ERC2: variants seen among roughly 807,000 people sequenced by gnomAD.
ERC2 encodes ERC protein 2.
In ERC2, 42 loss-of-function variants were observed where a neutral mutation model predicts 114.8. The observed-to-expected ratio is 0.37, with a 90% CI of 0.29 to 0.47. The LOEUF is 0.47. Ranked by LOEUF, ERC2 falls within the 20% of genes least tolerant of loss-of-function variation. The pLI, the probability that ERC2 is intolerant of heterozygous loss-of-function variation, is 0.99. For synonymous variants in ERC2, 454 were observed against 425.5 expected, an observed-to-expected ratio of 1.07 and a Z score of -0.82; for missense variants, 939 against 1,150.7, an observed-to-expected ratio of 0.82 and a Z score of 2.66.
At chr3:56,443,675 G>C (rs1247570743) in intron 1 of ERC2, among the ~76,000 whole-genome samples, 1 of 147,622 alleles carries the variant, frequency 6.8e-6, no homozygotes, top group Non-Finnish European at 1.5e-5. Context: ...TTTTTTGGTT[G>C]TTGTCTCCTA....
At chr3:55,652,734 C>T (rs575989728) in intron 17 of ERC2, among the ~76,000 whole-genome samples, 97 of 151,754 alleles carry the variant, frequency 6.4e-4, no homozygotes, top group African/African-American at 2.1e-3. Context: ...AGTAGCTGGG[C>T]GTGATGGCAG....
chr3:56,280,937 C>T lies in ERC2; in HGVS notation c.1074+15082G>A, dbSNP rs2150320183. On this transcript the variant is annotated intron_variant, in intron 3 of 17. Transcript: ENST00000288221. ...AATGGGATTAAATTTAAAATGAGTG[C>T]TTGGCACTTAGTTGAGTGCCCAACA... Among the ~76,000 whole-genome samples, 2 of 152,248 alleles carry T rather than the reference C, an allele frequency of 1.3e-5. 1 individual carries two copies. The highest frequency in any genetic ancestry group is 4.8e-5 in the African/African-American group (2 of 41,546).
intron 14 of ERC2, among the ~76,000 whole-genome samples, chr3:55,834,336 C>T (rs1238142738): frequency 6.6e-6 from 1 of 152,086 alleles, no homozygotes; most frequent in East Asian, 1.9e-4. Flanking sequence ...CACACCTATT[C>T]CAAAATTGAC....
At chr3:56,272,979 C>T (rs983672361) in intron 3 of ERC2, among the ~76,000 whole-genome samples, 8 of 152,178 alleles carry the variant, frequency 5.3e-5, no homozygotes, top group East Asian at 1.9e-4. Context: ...ATCTCTGTAA[C>T]GCAATAACCA....
chr3:56,071,881 A>T (rs191675735), intron 7 of ERC2, among the ~76,000 whole-genome samples: 1 of 152,314 alleles, frequency 6.6e-6, no homozygotes. Flanking sequence ...GTGACTTTTG[A>T]ATATCATTCA....
intron 14 of ERC2, among the ~76,000 whole-genome samples, chr3:55,809,393 T>C (rs1031007911): frequency 3.9e-5 from 6 of 152,038 alleles, no homozygotes; most frequent in Admixed American, 6.6e-5. Context: ...TGGGACTACA[T>C]TAAACTAAAA....
At chr3:55,983,035 C>A (rs934553528) in intron 12 of ERC2, among the ~76,000 whole-genome samples, 1 of 152,234 alleles carries the variant, frequency 6.6e-6, no homozygotes, top group Non-Finnish European at 1.5e-5. Flanking sequence ...CCATCACCAA[C>A]AGCCCCTTCA....
intron 17 of ERC2, among the ~76,000 whole-genome samples, chr3:55,529,701 T>A (rs1351618770): frequency 6.6e-6 from 1 of 152,156 alleles, no homozygotes; most frequent in Non-Finnish European, 1.5e-5. Context: ...TCAGCCACAC[T>A]TAAGAACAAA....
At chr3:56,281,706 C>A (rs527978973) in intron 3 of ERC2, among the ~76,000 whole-genome samples, 1 of 152,108 alleles carries the variant, frequency 6.6e-6, no homozygotes, top group Non-Finnish European at 1.5e-5. Context: ...CCGAGCTTTA[C>A]GAGTATTTAA....
At chr3:55,712,974 C>T (rs2063851818) in intron 15 of ERC2, among the ~76,000 whole-genome samples, 1 of 152,070 alleles carries the variant, frequency 6.6e-6, no homozygotes. Context: ...ATCTGCTAAG[C>T]ATGATTTAAA....
rs80232833 is a variant in ERC2, at chr3:56,383,479, T to A, written c.657+50872A>T. 3.7e-4 allele frequency among the ~76,000 whole-genome samples: 56 copies of A among 152,320 alleles called. 1 individual carries two copies. In the East Asian group the frequency reaches 9.8e-3, roughly 27 times the overall value. On this transcript the variant is annotated intron_variant, in intron 2 of 17. Coordinates refer to ENST00000288221, the MANE Select transcript of ERC2 (RefSeq NM_015576.3). ...CTCCACTAGCATATAAGCTCCAGGA[T>A]GAGAGAATTTTTGTTTGTTTCATTC...
At chr3:55,556,353 C>T (rs1005371429) in intron 17 of ERC2, among the ~76,000 whole-genome samples, 4 of 152,168 alleles carry the variant, frequency 2.6e-5, no homozygotes, top group South Asian at 2.1e-4. Context: ...CATGGAGTCA[C>T]GTTACTGCCT....
intron 12 of ERC2, among the ~76,000 whole-genome samples, chr3:55,960,191 C>T (rs1158789444): frequency 6.6e-6 from 1 of 152,208 alleles, no homozygotes. Context: ...AGATCATGCA[C>T]TTGTTGGCAT....
At chr3:56,122,741 G>A (rs552537801) in intron 6 of ERC2, among the ~76,000 whole-genome samples, 2 of 152,006 alleles carry the variant, frequency 1.3e-5, no homozygotes, top group Non-Finnish European at 2.9e-5. Flanking sequence ...CCAGAGCAAC[G>A]GGTAGCTCAG....
chr3:55,714,389 A>G (rs2063957698), intron 15 of ERC2, among the ~76,000 whole-genome samples: 1 of 152,116 alleles, frequency 6.6e-6, no homozygotes, highest in Non-Finnish European at 1.5e-5. Context: ...CAATCATAGG[A>G]GCAGTTAATG....
At chr3:55,829,787 A>C (rs1393722177) in intron 14 of ERC2, among the ~76,000 whole-genome samples, 1 of 152,226 alleles carries the variant, frequency 6.6e-6, no homozygotes, top group Non-Finnish European at 1.5e-5. Flanking sequence ...AGCCTCCCAA[A>C]GTACTGAGAT....
chr3:55,897,477 G>A (rs1038244043), intron 13 of ERC2, among the ~76,000 whole-genome samples: 1 of 152,166 alleles, frequency 6.6e-6, no homozygotes, highest in East Asian at 1.9e-4. Flanking sequence ...TCCATCCTGA[G>A]TGCAAGAGGA....
intron 16 of ERC2, among the ~76,000 whole-genome samples, chr3:55,695,419 A>T (rs815446): frequency 0.94 from 143,367 of 152,202 alleles, 68,139 homozygotes; most frequent in East Asian, 1. Context: ...AGCTATTAAA[A>T]GCTTCTCTCT....
chr3:55,554,949 G>A (rs549013694), intron 17 of ERC2, among the ~76,000 whole-genome samples: 1 of 152,242 alleles, frequency 6.6e-6, no homozygotes, highest in African/African-American at 2.4e-5. Context: ...CTGCCTGTGA[G>A]GTGGGGCCCA....
Sources: allele counts gnomAD v4.1 joint callset (sites outside exome capture counted in the v4.1 genomes callset), GRCh38; gene constraint gnomAD v4.1.1; transcripts MANE v1.5; gene names NCBI Gene and HGNC (gene_info 2026-07-23, HGNC 2026-07-21).